The following LRRC43 variants were observed in gnomAD, a reference collection of about 807,000 sequenced individuals.
The protein encoded by LRRC43 is leucine-rich repeat-containing protein 43.
Under a neutral mutation model 64.3 loss-of-function variants are expected in LRRC43, and 62 were observed. The observed-to-expected ratio is 0.96, with a 90% CI of 0.79 to 1.19. LRRC43 has a LOEUF of 1.19. Among genes scored for constraint, LRRC43 ranks in the 50% most tolerant of loss-of-function variants. LRRC43 has a pLI of 0.00. For synonymous variants in LRRC43, 422 were observed against 382.3 expected (o/e 1.10, Z -1.21); for missense variants, 868 against 845.0 (o/e 1.03, Z -0.34).
In LRRC43 at chr12:122,203,358, C is replaced by T. The variant is rs773030095; in HGVS notation, c.1887C>T (p.His629=). ...TTCCGATCTACGAAGGCGATTACCA[C>T]CCTGAGCCCCTGACCGTAGAGGTGC... ...AVIPIYEGDY[H]PEPLTVEVQI... Residue 629 remains histidine (H), a synonymous_variant, in exon 12 of 12, where the codon CAC becomes CAT. Coordinates refer to ENST00000339777, the MANE Select transcript of LRRC43 (RefSeq NM_001098519.2). The T allele has an allele frequency of 8.7e-6, 14 of 1,613,366 alleles. No individual in the cohort carries two copies. The highest frequency in any genetic ancestry group is 3.3e-5 in the Admixed American group (2 of 59,992).
intron 1 of LRRC43, among the ~76,000 whole-genome samples, chr12:122,170,711 G>A (rs939470751): frequency 6.6e-6 from 1 of 152,170 alleles, no homozygotes; most frequent in South Asian, 2.1e-4. Flanking sequence ...AGACTGAAGT[G>A]CGTGTCTCAG....
chr12:122,169,002 C>T (rs1352176153), intron 1 of LRRC43, among the ~76,000 whole-genome samples: 3 of 152,130 alleles, frequency 2.0e-5, no homozygotes, highest in South Asian at 2.1e-4. Flanking sequence ...TTTGGAAGAT[C>T]ACAGAGAAGT....
chr12:122,183,182 C>G lies in LRRC43; in HGVS notation c.38C>G (p.Ser13Cys). 1 of 1,559,164 alleles carries G rather than the reference C, an allele frequency of 6.4e-7. No individual in the cohort carries two copies. The highest frequency in any genetic ancestry group is 1.8e-5 in the Admixed American group (1 of 54,768). The stretch of plus-strand genomic sequence containing the variant: ...TACGAGTCCGAGTCCGAGTCCGAGT[C>G]TGAGGCCGGGCCTGGGACTCAGCGG... ...ASYESESESE[S>C]EAGPGTQRPG... Residue 13 changes from serine to cysteine, a missense_variant, in exon 1 of 12, where the codon TCT (serine) becomes TGT (cysteine). Physicochemically the swap from Ser to Cys is moderately radical, Grantham distance 112 (BLOSUM62 -1). Coordinates refer to ENST00000339777, the MANE Select transcript of LRRC43 (RefSeq NM_001098519.2).
intron 1 of LRRC43, among the ~76,000 whole-genome samples, chr12:122,177,935 T>G (rs1361061124): frequency 6.6e-6 from 1 of 151,838 alleles, no homozygotes; most frequent in East Asian, 1.9e-4. Flanking sequence ...CCTCCTGGGT[T>G]CAAGAGATTC....
intron 10 of LRRC43, 109 bp from the exon 11 acceptor site, chr12:122,201,187 G>A (rs777414309): frequency 5.1e-5 from 61 of 1,185,596 alleles, no homozygotes; most frequent in East Asian, 7.0e-5. Context: ...GGAGACCCCC[G>A]CCTTCCTGGA....
At chr12:122,201,556 C>T (rs1396216218) in intron 11 of LRRC43, among the ~76,000 whole-genome samples, 1 of 152,178 alleles carries the variant, frequency 6.6e-6, no homozygotes, top group Non-Finnish European at 1.5e-5. Context: ...TGTGGTAGAG[C>T]CATAGCGGGG....
intron 4 of LRRC43, 81 bp from the exon 5 acceptor site, chr12:122,190,049 C>T (rs1953696642): frequency 4.4e-6 from 5 of 1,130,574 alleles, no homozygotes; most frequent in Non-Finnish European, 5.4e-6. Flanking sequence ...GCCCCAGGCT[C>T]CCCGTCCGTT....
At chr12:122,198,908 C>T (rs1953801558) in intron 7 of LRRC43, among the ~76,000 whole-genome samples, 1 of 151,884 alleles carries the variant, frequency 6.6e-6, no homozygotes, top group Admixed American at 6.6e-5. Flanking sequence ...GCTGGGATTA[C>T]AGGCATGAGC....
chr12:122,183,472 G>A (rs868678848), intron 1 of LRRC43, among the ~76,000 whole-genome samples, 178 bp downstream of exon 1: 1 of 152,182 alleles, frequency 6.6e-6, no homozygotes, highest in Non-Finnish European at 1.5e-5. Context: ...GGCACTGCGC[G>A]GGGAGGAGAG....
intron 6 of LRRC43, among the ~76,000 whole-genome samples, chr12:122,192,482 A>G (rs942109235): frequency 6.6e-5 from 10 of 152,184 alleles, no homozygotes; most frequent in Non-Finnish European, 1.3e-4. Context: ...CCACATCAGA[A>G]GAAAACCCAA....
At chr12:122,170,617 T>G (rs1017462512) in intron 1 of LRRC43, among the ~76,000 whole-genome samples, 2 of 150,948 alleles carry the variant, frequency 1.3e-5, no homozygotes, top group African/African-American at 4.9e-5. Flanking sequence ...GGTGACAGAG[T>G]GAGACTCTCC....
chr12:122,186,483 A>G (rs1345242597), intron 3 of LRRC43, among the ~76,000 whole-genome samples, 183 bp downstream of exon 3: 2 of 152,232 alleles, frequency 1.3e-5, no homozygotes, highest in Non-Finnish European at 2.9e-5. Flanking sequence ...CAGTGCTTCC[A>G]TTCCTAGGTG....
upstream of LRRC43, among the ~76,000 whole-genome samples, chr12:122,179,127 GT>G (rs908301762): frequency 2.0e-5 from 3 of 151,698 alleles, no homozygotes; most frequent in African/African-American, 7.3e-5. Context: ...CAAGGTCTCA[GT>G]CTGTCACCTA....
upstream of LRRC43, chr12:122,167,722 T>A (rs886817463): frequency 6.6e-5 from 10 of 152,204 alleles, no homozygotes; most frequent in Non-Finnish European, 1.5e-4. Context: ...AATGGAGATA[T>A]TCTGTCTGTG....
intron 1 of LRRC43, among the ~76,000 whole-genome samples, chr12:122,173,459 G>A (rs1248760500): frequency 2.6e-5 from 4 of 152,274 alleles, no homozygotes; most frequent in South Asian, 2.1e-4. Flanking sequence ...CAAGGCAGGC[G>A]GATCACTTGA....
intron 6 of LRRC43, among the ~76,000 whole-genome samples, chr12:122,192,092 T>A (rs1953724688): frequency 1.3e-5 from 2 of 152,126 alleles, no homozygotes; most frequent in Admixed American, 1.3e-4. Context: ...CCACCCGGCA[T>A]TTCATAAGTC....
intron 1 of LRRC43, among the ~76,000 whole-genome samples, chr12:122,170,027 G>A (rs1364701949): frequency 2.0e-5 from 3 of 151,950 alleles, no homozygotes; most frequent in East Asian, 1.9e-4. Context: ...GCCTGGTCTC[G>A]AGCTCCTGAC....
intron 7 of LRRC43, among the ~76,000 whole-genome samples, chr12:122,197,922 G>A (rs1196710103): frequency 6.6e-6 from 1 of 151,438 alleles, no homozygotes. Context: ...TTTTTTTCAT[G>A]CCATTTTTTA....
At chr12:122,180,060 G>T (rs1435675383), upstream of LRRC43, among the ~76,000 whole-genome samples, 2 of 152,020 alleles carry the variant, frequency 1.3e-5, no homozygotes, top group East Asian at 3.8e-4. Context: ...GTTTTTCAAG[G>T]AGGAAATGGT....
Sources: gnomAD v4.1 joint callset for allele counts (sites outside exome capture counted in the v4.1 genomes callset) on GRCh38, gnomAD v4.1.1 for gene constraint, MANE v1.5 for transcripts, NCBI Gene and HGNC (gene_info 2026-07-23, HGNC 2026-07-21) for gene names.